Variants in ZNF511 observed in about 807,000 individuals in gnomAD.
ZNF511 encodes the protein zinc finger protein 511.
Under a neutral mutation model 24.8 loss-of-function variants are expected in ZNF511, and 26 were observed. That is an observed-to-expected ratio of 1.05 (90% CI 0.77 to 1.46). The LOEUF is 1.46. Ranked by LOEUF, ZNF511 falls within the 40% of genes most tolerant of loss-of-function variation. The pLI is 0.00. For synonymous variants in ZNF511, 144 were observed against 139.6 expected (o/e 1.03, Z -0.22); for missense variants, 358 against 345.0 (o/e 1.04, Z -0.30).
chr10:133,310,035 G>T, intron 3 of ZNF511, 58 bp downstream of exon 3: 1 of 1,608,948 alleles, frequency 6.2e-7, no homozygotes, highest in East Asian at 2.2e-5. Context: ...GGCTCAGAGT[G>T]CTGCCCCCAG....
intron 4 of ZNF511, among the ~76,000 whole-genome samples, chr10:133,310,954 G>A (rs1005221354): frequency 1.3e-5 from 2 of 152,080 alleles, no homozygotes; most frequent in East Asian, 1.9e-4. Context: ...AACACGCATC[G>A]CCGCACTCGG....
chr10:133,309,294 G>GCGCGGGATGACTGGGGC (rs1429840470), intron 1 of ZNF511, 96 bp from the exon 2 acceptor site: 15 of 1,463,178 alleles, frequency 1.0e-5, no homozygotes, highest in Non-Finnish European at 1.4e-5. Flanking sequence ...CGGGACCGGA[G>GCGCGGGATGACTGGGGC]CGCGGGATGA....
chr10:133,309,636 C>T, intron 2 of ZNF511, 140 bp from the exon 3 acceptor site: 1 of 1,270,068 alleles, frequency 7.9e-7, no homozygotes, highest in Non-Finnish European at 1.1e-6. Flanking sequence ...GTTTGTGAAA[C>T]TTAATTCATA....
At chr10:133,312,232 G>GC in intron 5 of ZNF511, 1 of 1,373,036 alleles carries the variant, frequency 7.3e-7, no homozygotes, top group Admixed American at 3.3e-5. Context: ...TGTGCCGTCT[G>GC]CCTTCCTAGC....
intron 5 of ZNF511, chr10:133,312,092 G>T (rs943177643): frequency 6.2e-6 from 9 of 1,451,968 alleles, no homozygotes; most frequent in Non-Finnish European, 8.1e-6. Flanking sequence ...TTTCCTCATT[G>T]TCTGAGTGGG....
At chr10:133,309,302 T>C (rs1453680079) in intron 1 of ZNF511, 88 bp from the exon 2 acceptor site, 1 of 1,488,784 alleles carries the variant, frequency 6.7e-7, no homozygotes, top group Admixed American at 2.0e-5. Context: ...GAGCGCGGGA[T>C]GACTGGGGCC....
chr10:133,309,290 CG>C, intron 1 of ZNF511, 99 bp from the exon 2 acceptor site: 1 of 1,449,688 alleles, frequency 6.9e-7, no homozygotes, highest in Non-Finnish European at 9.3e-7. Flanking sequence ...GGGGCGGGAC[CG>C]GAGCGCGGGA....
rs1847995565 is a variant in ZNF511 at position 133,311,809 on chromosome 10, A to G, written c.648A>G (p.Ala216=). ...ICSEPVAASP[A]PAGERRIYRH... ...CTGAGCCTGTGGCAGCCTCCCCTGC[A>G]CCGGCAGGTGAGAGGCGGATCTACA... The change falls in exon 5 of 6, where the codon GCA becomes GCG. Residue 216 remains alanine (A), a synonymous_variant. Transcript: ENST00000361518. The G allele has an allele frequency of 6.2e-7, 1 of 1,613,340 alleles. No homozygotes were observed. Among genetic ancestry groups the G allele is most frequent in the Non-Finnish European group, 8.5e-7 (1 of 1,180,036 alleles).
chr10:133,309,920 C>T lies in ZNF511; in HGVS notation c.372C>T (p.Ala124=). 1 of 1,613,618 alleles carries T rather than the reference C, an allele frequency of 6.2e-7. No individual in the cohort carries two copies. The highest frequency in any genetic ancestry group is 1.1e-5 in the South Asian group (1 of 91,078). Residue 124 remains alanine (A), a synonymous_variant, in exon 3 of 6, where the codon GCC becomes GCT. Coordinates refer to ENST00000361518, the MANE Select transcript of ZNF511 (RefSeq NM_145806.4). The stretch of plus-strand genomic sequence containing the variant: ...TCCCTTCCGGACACCTGCTGGACGC[C>T]CACATCCTGGAGTGGCACGATTCGC... ...RAFPSGHLLD[A]HILEWHDSLF...
chr10:133,309,313 A>G, intron 1 of ZNF511, 77 bp from the exon 2 acceptor site: 1 of 1,521,780 alleles, frequency 6.6e-7, no homozygotes, highest in Non-Finnish European at 8.9e-7. Flanking sequence ...GACTGGGGCC[A>G]CGGGTGTGGG....
chr10:133,310,642 G>A lies in ZNF511; in HGVS notation c.554+354G>A, dbSNP rs1376683027. 15 of 311,794 alleles carry A rather than the reference G, an allele frequency of 4.8e-5. No individual in the cohort carries two copies. The East Asian group carries it at 1.2e-3, about 24-fold the overall frequency. 19.3% of individuals were successfully genotyped at this position (311,794 alleles called of 1,614,324 possible). On this transcript the variant is annotated intron_variant, in intron 4 of 5. Coordinates refer to ENST00000361518, the MANE Select transcript of ZNF511 (RefSeq NM_145806.4). ...GGTCATCCGCACTCACACCCCTCGG[G>A]GCCGTGTCTGTACCTCCTGCAGCCG...
Position 133,311,729 on chromosome 10 carries a change from G to A in ZNF511, c.568G>A (p.Glu190Lys). 1 of 1,612,866 alleles carries A rather than the reference G, an allele frequency of 6.2e-7. No individual in the cohort carries two copies. The highest frequency in any genetic ancestry group is 8.5e-7 in the Non-Finnish European group (1 of 1,179,400). The change falls in exon 5 of 6, where the codon GAA (glutamate) becomes AAA (lysine). Residue 190 changes from glutamate to lysine, a missense_variant. Transcript: ENST00000361518. ...CTCTCCCCGCAGCCCAGCCTCAGCA[G>A]AAGCCCCAGGGGACAGTGGAGAGCG... ...PKKSRSPASAEAPGDSGERSE... is the reference protein window; with the variant it reads ...PKKSRSPASAKAPGDSGERSE...
In ZNF511 at chr10:133,309,842, G is replaced by A. The variant is rs777670947; in HGVS notation, c.294G>A (p.Glu98=). The A allele has an allele frequency of 1.2e-6, 2 of 1,613,788 alleles. No homozygotes were observed. Among genetic ancestry groups the A allele is most frequent in the Non-Finnish European group, 1.7e-6 (2 of 1,180,016 alleles). Residue 98 remains glutamate, a synonymous_variant, in exon 3 of 6, where the codon GAG becomes GAA. Transcript: ENST00000361518. ...CQVFDALDDY[E]HHYHTLHGNV... ...TGTTCGATGCCCTGGACGACTACGA[G>A]CACCACTACCACACGCTGCACGGAA...
At chr10:133,312,388 C>T (rs993839561) in intron 5 of ZNF511, 1 of 1,176,548 alleles carries the variant, frequency 8.5e-7, no homozygotes, top group African/African-American at 1.6e-5. Flanking sequence ...TCACCAAAGA[C>T]TCCAAACAGG....
intron 5 of ZNF511, 38 bp downstream of exon 5, chr10:133,311,879 A>C (rs200780550): frequency 1.3e-5 from 21 of 1,613,224 alleles, no homozygotes; most frequent in Non-Finnish European, 1.6e-5. Flanking sequence ...CGTTCTCAAC[A>C]TGTGTTCGGT....
chr10:133,308,932 G>A lies in ZNF511; in HGVS notation c.-12G>A, dbSNP rs1452476451. On this transcript the variant is annotated 5_prime_UTR_variant, in exon 1 of 6. Transcript: ENST00000361518. ...GGTGGCCGACAGGCTGCGCCCGCCC[G>A]CGCCCGGGGTGATGCAGTTGCCCCC... 1.6e-6 allele frequency: 2 copies of A among 1,219,806 alleles called. No homozygotes were observed. Among genetic ancestry groups the A allele is most frequent in the Admixed American group, 4.3e-5 (1 of 23,004 alleles). The allele number at this position is 1,219,806 out of a possible 1,614,324, so 75.6% of individuals were successfully genotyped here.
At position 133,309,399 on chromosome 10, in the gene ZNF511, G is replaced by C; in HGVS notation, c.163G>C (p.Val55Leu). ...CGCACTTTTCCTGCAGGATGGGGACGTGCAGCGCCACCTCTACCTCCAGGA... is the reference window on the plus strand; with the variant it reads ...CGCACTTTTCCTGCAGGATGGGGACCTGCAGCGCCACCTCTACCTCCAGGA... ...REHQFFEDGD[V>L]QRHLYLQDVI... Residue 55 changes from valine (V) to leucine (L), a missense_variant, in exon 2 of 6, where the codon GTG becomes CTG. Val to Leu is a conservative substitution (Grantham distance 32). Transcript: ENST00000361518. 1 of 1,611,748 alleles carries C rather than the reference G, an allele frequency of 6.2e-7. No individual in the cohort carries two copies. Among genetic ancestry groups the C allele is most frequent in the Non-Finnish European group, 8.5e-7 (1 of 1,179,584 alleles).
At chr10:133,312,096 G>A in intron 5 of ZNF511, 1 of 1,449,970 alleles carries the variant, frequency 6.9e-7, no homozygotes, top group Non-Finnish European at 9.0e-7. Flanking sequence ...CTCATTGTCT[G>A]AGTGGGATGG....
At chr10:133,310,123 G>A in intron 3 of ZNF511, 41 bp from the exon 4 acceptor site, 5 of 1,612,608 alleles carry the variant, frequency 3.1e-6, no homozygotes, top group Non-Finnish European at 4.2e-6. Flanking sequence ...CGGTGGGGGA[G>A]GGCCAGGGGT....
Sources: allele counts gnomAD v4.1 joint callset (sites outside exome capture counted in the v4.1 genomes callset), GRCh38; gene constraint gnomAD v4.1.1; transcripts MANE v1.5; gene names NCBI Gene and HGNC (gene_info 2026-07-23, HGNC 2026-07-21).